Variants in LYPLAL1 observed in about 807,000 individuals in gnomAD.
LYPLAL1 encodes lysophospholipase like 1.
In LYPLAL1, 23 loss-of-function variants were observed where a neutral mutation model predicts 19.7. The observed-to-expected ratio is 1.17, with a 90% CI of 0.84 to 1.65. LYPLAL1 has a LOEUF of 1.65. Among genes scored for constraint, LYPLAL1 ranks in the 40% most tolerant of loss-of-function variants. LYPLAL1 has a pLI of 0.00. For missense variants in LYPLAL1, 355 were observed against 279.4 expected (o/e 1.27, Z -1.93); for synonymous variants, 119 against 96.3 (o/e 1.24, Z -1.38).
chr1:219,295,736 C>CT, the LYPLAL1 span, among the ~76,000 whole-genome samples: 1 of 152,190 alleles, frequency 6.6e-6, no homozygotes, highest in East Asian at 1.9e-4. Flanking sequence ...CAAACTACAA[C>CT]TAACACCATC....
Position 219,211,677 on chromosome 1 carries a change from G to C in LYPLAL1, c.663G>C (p.Leu221Phe). ...HELSKTELDI[L>F]KLWILTKLPG... Reference sequence around the variant, plus strand: ...TAAGCAAAACTGAGTTAGACATATTGAAGTTATGGATTCTTACAAAGCTGC... The same window carrying C: ...TAAGCAAAACTGAGTTAGACATATTCAAGTTATGGATTCTTACAAAGCTGC... The change falls in exon 5 of 5, where the codon TTG becomes TTC. Residue 221 changes from leucine to phenylalanine, a missense_variant. By Grantham distance (22) the Leu-to-Phe change is conservative. Transcript: ENST00000366928. The C allele has an allele frequency of 6.2e-7, 1 of 1,612,598 alleles. No individual in the cohort carries two copies. The highest frequency in any genetic ancestry group is 1.1e-5 in the South Asian group (1 of 90,880).
the LYPLAL1 span, among the ~76,000 whole-genome samples, chr1:219,296,365 A>G: frequency 6.6e-6 from 1 of 152,144 alleles, no homozygotes; most frequent in Non-Finnish European, 1.5e-5. Flanking sequence ...AAACGGTTAA[A>G]TCTTCAATCC....
chr1:219,250,615 T>A, the LYPLAL1 span, among the ~76,000 whole-genome samples: 1 of 44,158 alleles, frequency 2.3e-5, no homozygotes, highest in South Asian at 1.3e-3. Flanking sequence ...TTTATCCATG[T>A]CCCTGCAAAA....
chr1:219,360,318 T>G, the LYPLAL1 span, among the ~76,000 whole-genome samples: 1 of 152,126 alleles, frequency 6.6e-6, no homozygotes, highest in Non-Finnish European at 1.5e-5. Context: ...TCTTTATTTG[T>G]CCAGAATTTA....
At chr1:219,384,855 G>C in the LYPLAL1 span, among the ~76,000 whole-genome samples, 8,492 of 152,226 alleles carry the variant, frequency 0.056, 338 homozygotes, top group South Asian at 0.088. Context: ...CTCATCCAGA[G>C]ACTACAGAGC....
At chr1:219,320,323 C>A in the LYPLAL1 span, among the ~76,000 whole-genome samples, 1 of 152,108 alleles carries the variant, frequency 6.6e-6, no homozygotes, top group South Asian at 2.1e-4. Flanking sequence ...AAGGCGCCCT[C>A]AGAATCCCCG....
the LYPLAL1 span, among the ~76,000 whole-genome samples, chr1:219,339,820 A>G: frequency 6.6e-6 from 1 of 152,028 alleles, no homozygotes; most frequent in African/African-American, 2.4e-5. Flanking sequence ...ATTAGGGAGA[A>G]AAAAACACTT....
intron 3 of LYPLAL1, among the ~76,000 whole-genome samples, chr1:219,205,710 A>G (rs1658521257): frequency 6.6e-6 from 1 of 152,228 alleles, no homozygotes. Flanking sequence ...CAAAATTTCC[A>G]GCCTGCCTTT....
At chr1:219,430,407 T>C in the LYPLAL1 span, among the ~76,000 whole-genome samples, 2 of 152,170 alleles carry the variant, frequency 1.3e-5, no homozygotes, top group Non-Finnish European at 2.9e-5. Flanking sequence ...TTTTTCTTTT[T>C]CCCTCCCTAG....
the LYPLAL1 span, among the ~76,000 whole-genome samples, chr1:219,357,651 A>T: frequency 3.3e-5 from 5 of 152,124 alleles, no homozygotes; most frequent in Non-Finnish European, 7.3e-5. Flanking sequence ...TGTCTTATAA[A>T]ACTGAACATG....
At chr1:219,290,751 G>A in the LYPLAL1 span, among the ~76,000 whole-genome samples, 5 of 152,050 alleles carry the variant, frequency 3.3e-5, no homozygotes, top group Non-Finnish European at 7.4e-5. Context: ...TTTCTTGAGC[G>A]ACATCCAAGA....
At chr1:219,386,019 A>T in the LYPLAL1 span, among the ~76,000 whole-genome samples, 5 of 152,248 alleles carry the variant, frequency 3.3e-5, no homozygotes, top group South Asian at 8.3e-4. Context: ...CCTCTAGTGG[A>T]TGGGGGACTC....
chr1:219,292,937 A>G, the LYPLAL1 span, among the ~76,000 whole-genome samples: 7 of 152,108 alleles, frequency 4.6e-5, no homozygotes, highest in African/African-American at 1.4e-4. Context: ...TCCCACCCAA[A>G]GGCATGTGTT....
the LYPLAL1 span, among the ~76,000 whole-genome samples, chr1:219,428,451 T>C: frequency 6.6e-6 from 1 of 152,220 alleles, no homozygotes; most frequent in African/African-American, 2.4e-5. Context: ...TCAGTTAAAG[T>C]GTTGTAGAAA....
At chr1:219,266,797 G>A in the LYPLAL1 span, among the ~76,000 whole-genome samples, 1 of 152,246 alleles carries the variant, frequency 6.6e-6, no homozygotes, top group South Asian at 2.1e-4. Context: ...CCTATATGCA[G>A]TCCGTTGTTG....
the LYPLAL1 span, among the ~76,000 whole-genome samples, chr1:219,298,232 C>T: frequency 1.3e-5 from 2 of 152,110 alleles, no homozygotes; most frequent in Non-Finnish European, 2.9e-5. Context: ...ATCACCTGAA[C>T]CTGGGAGGTC....
the LYPLAL1 span, among the ~76,000 whole-genome samples, chr1:219,281,805 C>CT: frequency 1.3e-5 from 2 of 152,100 alleles, no homozygotes; most frequent in African/African-American, 4.8e-5. Context: ...TAGATTTTTT[C>CT]TTTTTTTCTG....
chr1:219,370,586 A>T, the LYPLAL1 span, among the ~76,000 whole-genome samples: 1 of 152,196 alleles, frequency 6.6e-6, no homozygotes, highest in African/African-American at 2.4e-5. Flanking sequence ...AAGCACCACC[A>T]AACAACTTCG....
At chr1:219,366,547 C>G in the LYPLAL1 span, among the ~76,000 whole-genome samples, 7,652 of 152,168 alleles carry the variant, frequency 0.05, 687 homozygotes, top group East Asian at 0.42. Context: ...AAGAGATGAC[C>G]TCTATTTGGT....
Sources: gnomAD v4.1 joint callset for allele counts (sites outside exome capture counted in the v4.1 genomes callset) on GRCh38, gnomAD v4.1.1 for gene constraint, MANE v1.5 for transcripts, NCBI Gene and HGNC (gene_info 2026-07-23, HGNC 2026-07-21) for gene names.